SUMF1: variants seen among roughly 807,000 people sequenced by gnomAD.
The protein encoded by SUMF1 is formylglycine-generating enzyme.
Under a neutral mutation model 47.6 loss-of-function variants are expected in SUMF1, and 48 were observed. The ratio of observed to expected loss-of-function variants is 1.01; its 90% CI spans 0.80 to 1.28. The LOEUF is 1.28. SUMF1 is among the 50% of genes most tolerant of loss of function. SUMF1 has a pLI of 0.00. For synonymous variants in SUMF1, 230 were observed against 192.1 expected (o/e 1.20, Z -1.63); for missense variants, 571 against 485.4 (o/e 1.18, Z -1.66).
At chr3:4,424,328 T>C (rs538352476) in intron 3 of SUMF1, among the ~76,000 whole-genome samples, 2 of 152,296 alleles carry the variant, frequency 1.3e-5, no homozygotes, top group South Asian at 4.1e-4. Flanking sequence ...CTTTCTGAAA[T>C]CTTTCATGCT....
At chr3:4,253,904 A>C (rs1450844488) in intron 8 of SUMF1, among the ~76,000 whole-genome samples, 1 of 150,144 alleles carries the variant, frequency 6.7e-6, no homozygotes, top group Admixed American at 6.6e-5. Context: ...CCCAGCACGC[A>C]GCTGGAGATC....
At chr3:4,460,621 T>TGTGTGTGTGTGG (rs1214731917) in intron 1 of SUMF1, among the ~76,000 whole-genome samples, 1 of 148,042 alleles carries the variant, frequency 6.8e-6, no homozygotes, top group African/African-American at 2.5e-5. Context: ...TGTGTGTGTG[T>TGTGTGTGTGTGG]GTGAGAGTGT....
intron 8 of SUMF1, among the ~76,000 whole-genome samples, chr3:4,071,481 AC>A (rs972099336): frequency 6.6e-6 from 1 of 152,176 alleles, no homozygotes; most frequent in African/African-American, 2.4e-5. Flanking sequence ...CAACCAGCAG[AC>A]CAGGAGATTC....
chr3:4,400,016 G>A (rs1701159330), intron 7 of SUMF1, among the ~76,000 whole-genome samples: 1 of 152,186 alleles, frequency 6.6e-6, no homozygotes, highest in Non-Finnish European at 1.5e-5. Flanking sequence ...TGGGATTACA[G>A]GCGTGAGCCA....
At position 4,364,843 on chromosome 3, in the gene SUMF1, C is replaced by T. The variant is rs1228033495; in HGVS notation, c.1015-2589G>A. 5.3e-5 allele frequency among the ~76,000 whole-genome samples: 8 copies of T among 151,750 alleles called. No homozygotes were observed. The East Asian group carries it at 1.6e-3, about 29-fold the overall frequency. On this transcript the variant is annotated intron_variant, in intron 8 of 8. Transcript: ENST00000272902. Reference sequence around the variant, plus strand: ...GGGTATCAATTTTGGATCTTTCCTGCTTTCTCTTGTGGGCATTTAGTGCTA... The same window carrying T: ...GGGTATCAATTTTGGATCTTTCCTGTTTTCTCTTGTGGGCATTTAGTGCTA...
chr3:4,283,157 C>CT (rs1192149263), intron 8 of SUMF1, among the ~76,000 whole-genome samples: 2 of 152,168 alleles, frequency 1.3e-5, no homozygotes, highest in African/African-American at 4.8e-5. Flanking sequence ...TGCAAACCTG[C>CT]TACAAGTTTG....
rs369116610 is a variant in SUMF1, at chr3:4,148,214, G to A, written c.1015-79469C>T. On this transcript the variant is annotated intron_variant and NMD_transcript_variant, in intron 8 of 12. Transcript: ENST00000448413. ...TCAGGCGAAGAAAAGCTGCTGTTGA[G>A]AAAAGGGATAAGATAAATATCTTTC... Among the ~76,000 whole-genome samples the A allele has an allele frequency of 1.6e-4, 25 of 152,218 alleles. No individual in the cohort carries two copies. In the South Asian group the frequency reaches 5.2e-3, roughly 32 times the overall value.
intron 8 of SUMF1, among the ~76,000 whole-genome samples, chr3:4,370,649 C>T (rs572631272): frequency 2.4e-4 from 36 of 152,220 alleles, no homozygotes; most frequent in Admixed American, 2.0e-3. Flanking sequence ...AGAGATTATT[C>T]CCAGGGCCAT....
intron 7 of SUMF1, among the ~76,000 whole-genome samples, chr3:4,390,406 G>A (rs1327682374): frequency 6.6e-6 from 1 of 152,102 alleles, no homozygotes; most frequent in Non-Finnish European, 1.5e-5. Context: ...TTTTTTCTTT[G>A]GTGTTTAGAA....
chr3:4,228,215 C>T (rs1696216552), intron 8 of SUMF1, among the ~76,000 whole-genome samples: 1 of 152,020 alleles, frequency 6.6e-6, no homozygotes, highest in South Asian at 2.1e-4. Flanking sequence ...CTTATGATTT[C>T]AGTGAAAATA....
At chr3:4,212,129 G>A (rs1368492177) in intron 8 of SUMF1, among the ~76,000 whole-genome samples, 1 of 152,194 alleles carries the variant, frequency 6.6e-6, no homozygotes, top group Middle Eastern at 3.2e-3. Context: ...CGTGTATCCT[G>A]ACTGGGAGAC....
intron 7 of SUMF1, among the ~76,000 whole-genome samples, chr3:4,407,711 A>G (rs9883521): frequency 2.7e-4 from 41 of 152,246 alleles, no homozygotes; most frequent in African/African-American, 9.9e-4. Flanking sequence ...GCTGTGAAGA[A>G]TTGCAGGGCT....
intron 7 of SUMF1, among the ~76,000 whole-genome samples, chr3:4,393,699 T>C (rs982954064): frequency 2.0e-5 from 3 of 151,944 alleles, no homozygotes; most frequent in African/African-American, 7.3e-5. Context: ...AAAGAGGATA[T>C]GGAATCAGTT....
chr3:4,358,826 C>G (rs1699679297), downstream of SUMF1, among the ~76,000 whole-genome samples: 1 of 152,114 alleles, frequency 6.6e-6, no homozygotes, highest in Non-Finnish European at 1.5e-5. Context: ...GACGTGATCT[C>G]CATTAGAAGC....
At chr3:4,106,416 C>T (rs763490256) in intron 8 of SUMF1, among the ~76,000 whole-genome samples, 1 of 152,110 alleles carries the variant, frequency 6.6e-6, no homozygotes, top group Non-Finnish European at 1.5e-5. Flanking sequence ...TTAGTTTTCA[C>T]ATATACCCTT....
intron 8 of SUMF1, among the ~76,000 whole-genome samples, chr3:4,321,110 AT>A: frequency 6.6e-6 from 1 of 152,170 alleles, no homozygotes; most frequent in Non-Finnish European, 1.5e-5. Context: ...GGGAATTTAC[AT>A]TTAAGCAAAG....
intron 8 of SUMF1, among the ~76,000 whole-genome samples, chr3:4,329,201 G>T (rs1228489529): frequency 6.6e-6 from 1 of 152,132 alleles, no homozygotes; most frequent in Admixed American, 6.5e-5. Flanking sequence ...ACCATTCTGG[G>T]GTCTGGAGGA....
intron 8 of SUMF1, among the ~76,000 whole-genome samples, chr3:4,123,488 C>T (rs1429338463): frequency 1.3e-5 from 2 of 152,138 alleles, no homozygotes; most frequent in Non-Finnish European, 2.9e-5. Context: ...GGAAGCAAGA[C>T]ATTTGCCCTA....
intron 8 of SUMF1, among the ~76,000 whole-genome samples, chr3:4,344,450 G>A (rs1019159663): frequency 6.6e-5 from 10 of 152,098 alleles, no homozygotes; most frequent in Admixed American, 3.9e-4. Flanking sequence ...AGAGGGACCT[G>A]ACTTTTGAAA....
Sources: allele counts gnomAD v4.1 joint callset (sites outside exome capture counted in the v4.1 genomes callset), GRCh38; gene constraint gnomAD v4.1.1; transcripts MANE v1.5; gene names NCBI Gene and HGNC (gene_info 2026-07-23, HGNC 2026-07-21).